Variants in SDK1 observed in about 807,000 individuals in gnomAD.
SDK1 encodes sidekick cell adhesion molecule 1, also known as protein sidekick-1.
SDK1 carries 157 observed loss-of-function variants against 245.5 expected under a neutral mutation model. The ratio of observed to expected loss-of-function variants is 0.64; its 90% confidence interval spans 0.56 to 0.73. The LOEUF (loss-of-function observed/expected upper bound fraction) is 0.73. SDK1 is among the 30% of genes least tolerant of loss of function. The pLI, the probability that SDK1 is intolerant of heterozygous loss-of-function variation, is 0.00. For missense variants in SDK1, 3,583 were observed against 3,002.3 expected (o/e 1.19, Z -4.52); for synonymous variants, 1,647 against 1,278.5 (o/e 1.29, Z -6.15).
At position 3,722,570 on chromosome 7, in the gene SDK1, C is replaced by CT. The variant is rs529824411; in HGVS notation, c.713+80467dup. Among the ~76,000 whole-genome samples, 555 of 152,270 alleles carry CT rather than the reference C, an allele frequency of 3.6e-3. 3 individuals carry two copies. The highest frequency in any genetic ancestry group is 0.012 in the African/African-American group (505 of 41,550). ...CTGTGCTGCTGAGGTCCAGGAGCTC[C>CT]TTAGGGATGCACTGTGTGTACGCGC... is the stretch of plus-strand genomic sequence containing the variant. On this transcript the variant is annotated intron_variant, in intron 4 of 44. Transcript: ENST00000404826.
chr7:3,622,037 C>T (rs1046069881), intron 2 of SDK1, among the ~76,000 whole-genome samples: 14 of 152,160 alleles, frequency 9.2e-5, no homozygotes, highest in Middle Eastern at 3.4e-3. Context: ...TATTAGTGTT[C>T]GGAGCATGCT....
intron 1 of SDK1, among the ~76,000 whole-genome samples, chr7:3,487,149 G>C (rs1455380509): frequency 6.6e-6 from 1 of 152,146 alleles, no homozygotes; most frequent in Non-Finnish European, 1.5e-5. Context: ...TGGCAGGCTA[G>C]AATTGGCCCA....
chr7:3,951,547 C>T (rs568307393), intron 6 of SDK1, among the ~76,000 whole-genome samples, 183 bp from the exon 7 acceptor site: 30 of 152,304 alleles, frequency 2.0e-4, no homozygotes, highest in African/African-American at 6.3e-4. Flanking sequence ...CAGAATGCAT[C>T]GTCAATGCGT....
At chr7:4,139,036 G>A (rs540257964) in intron 28 of SDK1, among the ~76,000 whole-genome samples, 1 of 152,204 alleles carries the variant, frequency 6.6e-6, no homozygotes, top group African/African-American at 2.4e-5. Flanking sequence ...GGCAGTGGGC[G>A]CACACTGCAG....
At chr7:3,604,586 C>A (rs185479844) in intron 1 of SDK1, among the ~76,000 whole-genome samples, 17 of 144,748 alleles carry the variant, frequency 1.2e-4, no homozygotes, top group Admixed American at 3.6e-4. Context: ...CAGACTTTTT[C>A]TTTTTCTTTT....
chr7:3,772,508 G>C (rs181193352), intron 4 of SDK1, among the ~76,000 whole-genome samples: 2 of 152,140 alleles, frequency 1.3e-5, no homozygotes, highest in Admixed American at 1.3e-4. Context: ...AAAATGTGGG[G>C]TTAAAAACCA....
At chr7:3,993,438 T>A (rs1011941653) in intron 14 of SDK1, among the ~76,000 whole-genome samples, 11 of 152,236 alleles carry the variant, frequency 7.2e-5, no homozygotes, top group African/African-American at 2.4e-4. Context: ...ACATTCAGAA[T>A]CCTTCATTCT....
At chr7:4,028,694 C>T (rs1182289770) in intron 17 of SDK1, among the ~76,000 whole-genome samples, 4 of 152,228 alleles carry the variant, frequency 2.6e-5, no homozygotes, top group Non-Finnish European at 5.9e-5. Context: ...GGGAAGGTCT[C>T]ATTGGCCACA....
At chr7:3,341,570 GA>G (rs1005451797) in intron 1 of SDK1, among the ~76,000 whole-genome samples, 1 of 151,850 alleles carries the variant, frequency 6.6e-6, no homozygotes, top group Non-Finnish European at 1.5e-5. Context: ...AAGAAATCTA[GA>G]AAAAAAACTT....
At position 4,266,913 on chromosome 7, in the gene SDK1, T is replaced by G. The variant is rs998220390; in HGVS notation, c.*1529T>G. ...GGCAGGTGCCGTTCCCCCAGTGACC[T>G]GAGGGTAGGGGACAACTGAGCAGTA... On this transcript the variant is annotated 3_prime_UTR_variant, in exon 45 of 45. Transcript: ENST00000404826. 3.0e-6 allele frequency: 3 copies of G among 985,344 alleles called. No individual in the cohort carries two copies. In the African/African-American group the frequency reaches 5.2e-5, roughly 17 times the overall value. The allele number at this position is 985,344 out of a possible 1,614,324, so 61.0% of individuals were successfully genotyped here. A position where few individuals can be genotyped will look rare whatever the true frequency, so the allele number is the denominator to read the frequency against.
intron 5 of SDK1, among the ~76,000 whole-genome samples, chr7:3,842,312 T>C (rs1229870589): frequency 2.6e-5 from 4 of 152,142 alleles, no homozygotes; most frequent in Admixed American, 6.5e-5. Context: ...AGATGATGCC[T>C]CCACTGGAGA....
chr7:3,923,513 G>A (rs1311454946), intron 5 of SDK1, among the ~76,000 whole-genome samples: 1 of 152,190 alleles, frequency 6.6e-6, no homozygotes. Flanking sequence ...AATGGAGCCC[G>A]GGACTGGCAG....
intron 2 of SDK1, among the ~76,000 whole-genome samples, chr7:3,628,418 A>G (rs192763618): frequency 4.7e-4 from 72 of 152,262 alleles, no homozygotes; most frequent in African/African-American, 1.7e-3. Flanking sequence ...CTATGGGGTC[A>G]GGACTTCAGT....
intron 5 of SDK1, among the ~76,000 whole-genome samples, chr7:3,914,606 C>T (rs1042620811): frequency 6.6e-6 from 1 of 152,196 alleles, no homozygotes; most frequent in Non-Finnish European, 1.5e-5. Context: ...AAGGCTTGCT[C>T]TTGCATGTGC....
chr7:3,646,521 A>G (rs919211689), intron 4 of SDK1, among the ~76,000 whole-genome samples: 13 of 152,280 alleles, frequency 8.5e-5, no homozygotes, highest in African/African-American at 2.9e-4. Context: ...AAGATTATGG[A>G]TGTTAAATTA....
chr7:4,028,900 C>A (rs952543042), intron 17 of SDK1, among the ~76,000 whole-genome samples: 1 of 152,152 alleles, frequency 6.6e-6, no homozygotes, highest in African/African-American at 2.4e-5. Flanking sequence ...CGGAGCTCTG[C>A]AACACTTGAT....
intron 5 of SDK1, among the ~76,000 whole-genome samples, chr7:3,833,203 A>G (rs987215878): frequency 4.6e-5 from 7 of 152,154 alleles, no homozygotes; most frequent in African/African-American, 1.4e-4. Flanking sequence ...TTAGTTCCTA[A>G]GTCGAACTTA....
intron 1 of SDK1, among the ~76,000 whole-genome samples, chr7:3,351,563 CAA>C (rs754635173): frequency 9.9e-5 from 15 of 152,132 alleles, no homozygotes; most frequent in Non-Finnish European, 1.5e-4. Context: ...TATCTAAAAA[CAA>C]AGATACAGAA....
intron 22 of SDK1, among the ~76,000 whole-genome samples, chr7:4,107,867 C>T (rs750320076): frequency 2.6e-5 from 4 of 152,166 alleles, no homozygotes; most frequent in Admixed American, 6.5e-5. Context: ...TGTAAGGTGT[C>T]GTGAGCTGTG....
Sources: allele counts gnomAD v4.1 joint callset (sites outside exome capture counted in the v4.1 genomes callset), GRCh38; gene constraint gnomAD v4.1.1; transcripts MANE v1.5; gene names NCBI Gene and HGNC (gene_info 2026-07-23, HGNC 2026-07-21).